The following SETBP1 variants were observed in gnomAD, a reference collection of about 807,000 sequenced individuals.
SETBP1 encodes SET-binding protein.
In SETBP1, 9 loss-of-function variants were observed where a neutral mutation model predicts 101.0. That is an observed-to-expected ratio of 0.09 (90% confidence interval 0.05 to 0.16). SETBP1 has a LOEUF of 0.16. Ranked by LOEUF, SETBP1 falls within the 10% of genes least tolerant of loss-of-function variation. The pLI is 1.00. For synonymous variants in SETBP1, 818 were observed against 788.5 expected (o/e 1.04, Z -0.63); for missense variants, 1,858 against 2,033.8 (o/e 0.91, Z 1.66).
At chr18:44,911,345 G>A (rs1031985839) in intron 3 of SETBP1, among the ~76,000 whole-genome samples, 7 of 152,022 alleles carry the variant, frequency 4.6e-5, no homozygotes, top group African/African-American at 7.2e-5. Context: ...ATTACTTTTC[G>A]TTGCAAAAAC....
intron 4 of SETBP1, among the ~76,000 whole-genome samples, chr18:45,022,331 C>A (rs2073088139): frequency 6.6e-6 from 1 of 152,216 alleles, no homozygotes; most frequent in African/African-American, 2.4e-5. Context: ...ACATGCGGTA[C>A]TGTTGTGTGC....
intron 2 of SETBP1, among the ~76,000 whole-genome samples, chr18:44,814,934 G>C (rs532483696): frequency 1.7e-4 from 26 of 152,336 alleles, no homozygotes; most frequent in African/African-American, 6.0e-4. Flanking sequence ...CTGTTTAGCT[G>C]TACTTGGTGT....
intron 3 of SETBP1, 74 bp from the exon 4 acceptor site, chr18:44,949,807 T>C (rs1327559899): frequency 8.4e-7 from 1 of 1,190,608 alleles, no homozygotes; most frequent in Non-Finnish European, 1.2e-6. Flanking sequence ...ATGTCAAATA[T>C]TAAGTAGCTT....
intron 2 of SETBP1, among the ~76,000 whole-genome samples, chr18:44,864,325 G>A (rs1460314198): frequency 1.3e-5 from 2 of 152,148 alleles, no homozygotes; most frequent in Non-Finnish European, 2.9e-5. Context: ...AGACAAGGGA[G>A]CAGAATGCCG....
At chr18:44,873,684 G>A (rs796867440) in intron 3 of SETBP1, among the ~76,000 whole-genome samples, 22 of 152,236 alleles carry the variant, frequency 1.4e-4, no homozygotes, top group African/African-American at 4.1e-4. Flanking sequence ...GGAGAGCATC[G>A]TGGGAAATTA....
intron 2 of SETBP1, among the ~76,000 whole-genome samples, chr18:44,812,983 C>A (rs1334071571): frequency 6.6e-6 from 1 of 151,984 alleles, no homozygotes; most frequent in African/African-American, 2.4e-5. Flanking sequence ...CTCTTTGGGG[C>A]CACATCAGTG....
At chr18:44,963,949 G>C (rs566317932) in intron 4 of SETBP1, among the ~76,000 whole-genome samples, 3 of 140,268 alleles carry the variant, frequency 2.1e-5, no homozygotes, top group Non-Finnish European at 4.6e-5. Flanking sequence ...AAGTAAAACC[G>C]GAATGGAGCA....
chr18:44,782,627 G>A (rs766923328), intron 2 of SETBP1, among the ~76,000 whole-genome samples: 3 of 152,076 alleles, frequency 2.0e-5, no homozygotes, highest in Non-Finnish European at 2.9e-5. Context: ...AACCTGGGAT[G>A]GTTCCAATGG....
chr18:44,800,243 A>G (rs2071576988), intron 2 of SETBP1, among the ~76,000 whole-genome samples: 1 of 152,138 alleles, frequency 6.6e-6, no homozygotes, highest in Non-Finnish European at 1.5e-5. Flanking sequence ...AGCCCAACAT[A>G]AATTTTAAAA....
chr18:45,037,652 C>G (rs1280212779), intron 4 of SETBP1, among the ~76,000 whole-genome samples: 1 of 152,150 alleles, frequency 6.6e-6, no homozygotes, highest in Non-Finnish European at 1.5e-5. Context: ...AATGGGAATG[C>G]AGAATAGCTC....
intron 2 of SETBP1, among the ~76,000 whole-genome samples, chr18:44,748,550 C>A (rs145187700): frequency 1.7e-3 from 255 of 152,288 alleles, no homozygotes; most frequent in Non-Finnish European, 2.6e-3. Flanking sequence ...AGAGGTCATG[C>A]TTTATGCAGT....
At chr18:44,991,457 G>C (rs2072376513) in intron 4 of SETBP1, among the ~76,000 whole-genome samples, 1 of 151,806 alleles carries the variant, frequency 6.6e-6, no homozygotes, top group Admixed American at 6.6e-5. Flanking sequence ...TAGATAAATA[G>C]GAATAGAAAG....
chr18:44,992,614 A>G (rs543297618), intron 4 of SETBP1, among the ~76,000 whole-genome samples: 3 of 152,230 alleles, frequency 2.0e-5, no homozygotes, highest in Non-Finnish European at 4.4e-5. Flanking sequence ...TGGCACAGAC[A>G]TAGCTTGGGA....
intron 2 of SETBP1, among the ~76,000 whole-genome samples, chr18:44,819,265 A>T (rs574070525): frequency 6.6e-6 from 1 of 152,272 alleles, no homozygotes; most frequent in South Asian, 2.1e-4. Flanking sequence ...GTAGTACCAG[A>T]CACCAGATAC....
intron 2 of SETBP1, among the ~76,000 whole-genome samples, chr18:44,702,854 C>G (rs2069141765): frequency 1.3e-5 from 2 of 152,206 alleles, no homozygotes; most frequent in Admixed American, 6.5e-5. Context: ...TGGCCTGAAT[C>G]TCTGTCCAAC....
chr18:44,775,954 A>G (rs2070992983), intron 2 of SETBP1, among the ~76,000 whole-genome samples: 1 of 152,110 alleles, frequency 6.6e-6, no homozygotes, highest in South Asian at 2.1e-4. Context: ...TCTTTTCTGA[A>G]TGGCCCTATC....
At chr18:44,761,955 G>A (rs10853524) in intron 2 of SETBP1, among the ~76,000 whole-genome samples, 125,721 of 152,028 alleles carry the variant, frequency 0.83, 52,059 homozygotes, top group Admixed American at 0.87. Context: ...CTTGTGACTC[G>A]TGGTAGGTCT....
At chr18:44,955,748 C>G (rs1002256424) in intron 4 of SETBP1, among the ~76,000 whole-genome samples, 1 of 152,162 alleles carries the variant, frequency 6.6e-6, no homozygotes, top group Non-Finnish European at 1.5e-5. Flanking sequence ...TAGAACACAG[C>G]TCTTGGTGCC....
chr18:44,885,096 C>A (rs111540542), intron 3 of SETBP1, among the ~76,000 whole-genome samples: 2 of 152,212 alleles, frequency 1.3e-5, no homozygotes, highest in African/African-American at 4.8e-5. Context: ...CCAGGCAAAG[C>A]TCACCACCTT....
Sources: gnomAD v4.1 joint callset for allele counts (sites outside exome capture counted in the v4.1 genomes callset) on GRCh38, gnomAD v4.1.1 for gene constraint, MANE v1.5 for transcripts, NCBI Gene and HGNC (gene_info 2026-07-23, HGNC 2026-07-21) for gene names.